Variants in GIGYF2 observed in about 807,000 individuals in gnomAD.
GIGYF2 encodes the protein GRB10-interacting GYF protein 2.
A neutral mutation model predicts 208.1 loss-of-function variants in GIGYF2; 25 were observed. That is an observed-to-expected ratio of 0.12 (90% CI 0.09 to 0.17). The LOEUF is 0.17. Ranked by LOEUF, GIGYF2 falls within the 10% of genes least tolerant of loss-of-function variation. The probability of loss-of-function intolerance (pLI) is 1.00; values close to 1 mark genes in which losing one functional copy is unlikely to be tolerated. For synonymous variants in GIGYF2, 534 were observed against 543.8 expected (o/e 0.98, Z 0.25); for missense variants, 1,302 against 1,579.4 (o/e 0.82, Z 2.98).
intron 2 of GIGYF2, among the ~76,000 whole-genome samples, chr2:232,730,939 GA>G (rs1030348076): frequency 1.3e-5 from 2 of 150,006 alleles, no homozygotes; most frequent in Non-Finnish European, 3.0e-5. Context: ...TTTACATTAG[GA>G]AATAATTTTC....
chr2:232,787,349 A>G lies in GIGYF2; in HGVS notation c.712+20A>G. On this transcript the variant is annotated intron_variant, in intron 9 of 28. Transcript: ENST00000373563. ...GTCCTGGTAAGAATTCTGTTGAGTA[A>G]AGGCACACAGGGACTGAAATAAGGG... is the stretch of plus-strand genomic sequence containing the variant. 6.2e-7 allele frequency: 1 copy of G among 1,603,468 alleles called. No individual in the cohort carries two copies. Among genetic ancestry groups the G allele is most frequent in the Middle Eastern group, 1.7e-4 (1 of 6,042 alleles).
chr2:232,855,938 G>T (rs1690548957), intron 28 of GIGYF2, among the ~76,000 whole-genome samples: 2 of 148,840 alleles, frequency 1.3e-5, no homozygotes, highest in South Asian at 2.2e-4. Context: ...TTTTTGTTTT[G>T]TTTTTTTTTT....
chr2:232,768,730 C>G lies in GIGYF2; in HGVS notation c.532+7294C>G, dbSNP rs773211176. On this transcript the variant is annotated intron_variant, in intron 8 of 28. Coordinates refer to ENST00000373563, the MANE Select transcript of GIGYF2 (RefSeq NM_001103146.3). The stretch of plus-strand genomic sequence containing the variant: ...TGGAAGATAAGATTAGGTTTGCCAT[C>G]CATGTGAGCTACTACTGCTGTGTCA... 3.7e-6 allele frequency: 6 copies of G among 1,601,340 alleles called. No individual in the cohort carries two copies. The highest frequency in any genetic ancestry group is 2.2e-5 in the East Asian group (1 of 44,554).
At chr2:232,836,942 T>G (rs1417679049) in intron 22 of GIGYF2, among the ~76,000 whole-genome samples, 1 of 152,196 alleles carries the variant, frequency 6.6e-6, no homozygotes, top group Non-Finnish European at 1.5e-5. Context: ...GACAAAAATC[T>G]CTCAGTCAGC....
intron 14 of GIGYF2, among the ~76,000 whole-genome samples, chr2:232,805,790 A>G (rs1700543905): frequency 6.6e-6 from 1 of 152,166 alleles, no homozygotes; most frequent in Non-Finnish European, 1.5e-5. Context: ...AGTTGTGCTT[A>G]GAGGAGGAAT....
chr2:232,751,446 G>A (rs1698335231), intron 5 of GIGYF2, among the ~76,000 whole-genome samples: 2 of 151,962 alleles, frequency 1.3e-5, no homozygotes, highest in Admixed American at 1.3e-4. Context: ...AACTTCCTGA[G>A]CTCAAGTGAA....
chr2:232,837,434 GC>G (rs2106415699), intron 22 of GIGYF2, among the ~76,000 whole-genome samples: 1 of 152,228 alleles, frequency 6.6e-6, no homozygotes, highest in South Asian at 2.1e-4. Context: ...TTTGCTGTAT[GC>G]CCTTAGGAGT....
intron 23 of GIGYF2, among the ~76,000 whole-genome samples, chr2:232,840,176 A>G (rs935258309): frequency 3.3e-5 from 5 of 152,244 alleles, no homozygotes; most frequent in Non-Finnish European, 5.9e-5. Flanking sequence ...ATTGAGTAAC[A>G]TAACTGTTCA....
In GIGYF2 at chr2:232,791,180, C is replaced by A; in HGVS notation, c.1093+10C>A. ...GATAGAGTAGGAGTTGGTAAGGCCT[C>A]TTCTTGCCCTTTGCCTTTTTTTTCC... On this transcript the variant is annotated intron_variant, in intron 11 of 28. Transcript: ENST00000373563. 1 of 1,614,002 alleles carries A rather than the reference C, an allele frequency of 6.2e-7. No homozygotes were observed. Among genetic ancestry groups the A allele is most frequent in the Non-Finnish European group, 8.5e-7 (1 of 1,179,922 alleles).
At chr2:232,795,315 C>G (rs1197259033) in intron 13 of GIGYF2, among the ~76,000 whole-genome samples, 1 of 152,132 alleles carries the variant, frequency 6.6e-6, no homozygotes, top group African/African-American at 2.4e-5. Flanking sequence ...ACTTTCAGAG[C>G]ATTAACATCT....
intron 2 of GIGYF2, among the ~76,000 whole-genome samples, chr2:232,707,533 A>C (rs1696176038): frequency 6.6e-6 from 1 of 152,134 alleles, no homozygotes; most frequent in Admixed American, 6.6e-5. Flanking sequence ...CTTCAGTGTA[A>C]CTGGATTAGC....
In GIGYF2 at chr2:232,858,258, A is replaced by T; in HGVS notation, c.*1398A>T. ...TGGAAAAGCACCTTTGCTGCCTGTCATTGTTGCCTGAAGAAGGCTGGAGTT... is the reference window on the plus strand; with the variant it reads ...TGGAAAAGCACCTTTGCTGCCTGTCTTTGTTGCCTGAAGAAGGCTGGAGTT... On this transcript the variant is annotated 3_prime_UTR_variant, in exon 29 of 29. Coordinates refer to ENST00000373563, the MANE Select transcript of GIGYF2 (RefSeq NM_001103146.3). The T allele has an allele frequency of 2.9e-6, 1 of 343,764 alleles. No individual in the cohort carries two copies. Among genetic ancestry groups the T allele is most frequent in the Non-Finnish European group, 5.6e-6 (1 of 178,750 alleles). The allele number at this position is 343,764 out of a possible 1,614,324, so 21.3% of individuals were successfully genotyped here. A position where few individuals can be genotyped will look rare whatever the true frequency, so the allele number is the denominator to read the frequency against.
At chr2:232,746,235 A>C (rs150677942) in intron 3 of GIGYF2, among the ~76,000 whole-genome samples, 1 of 151,942 alleles carries the variant, frequency 6.6e-6, no homozygotes, top group East Asian at 1.9e-4. Context: ...TTTTCTTTAA[A>C]TATTACTTTA....
chr2:232,828,462 C>T (rs1701318250), intron 21 of GIGYF2, among the ~76,000 whole-genome samples: 4 of 138,452 alleles, frequency 2.9e-5, no homozygotes, highest in South Asian at 2.3e-4. Flanking sequence ...TTTGTTTGTT[C>T]GTTTGTTTGA....
intron 8 of GIGYF2, among the ~76,000 whole-genome samples, chr2:232,766,142 A>G (rs967872871): frequency 6.6e-6 from 1 of 152,226 alleles, no homozygotes; most frequent in African/African-American, 2.4e-5. Flanking sequence ...AGTGAAAGAA[A>G]CAATGAACAG....
rs761752319 is a variant in GIGYF2, at chr2:232,847,612, A to T, written c.3684+41A>T. 1.0e-5 allele frequency: 16 copies of T among 1,607,540 alleles called. No individual in the cohort carries two copies. In the African/African-American group the frequency reaches 2.2e-4, roughly 22 times the overall value. ...GTGTATGCGGTACCTCTGAGGATTA[A>T]TACCTTTAGATGTTGAGTAACCCAA... is the stretch of plus-strand genomic sequence containing the variant. On this transcript the variant is annotated intron_variant, in intron 27 of 28. Transcript: ENST00000373563.
intron 18 of GIGYF2, among the ~76,000 whole-genome samples, chr2:232,812,812 A>G (rs1406930428): frequency 2.0e-5 from 3 of 152,172 alleles, no homozygotes; most frequent in Non-Finnish European, 4.4e-5. Flanking sequence ...ACATAAAAAC[A>G]TAGTAATGGT....
At chr2:232,702,843 G>A (rs1299604552) in intron 1 of GIGYF2, among the ~76,000 whole-genome samples, 2 of 152,212 alleles carry the variant, frequency 1.3e-5, no homozygotes, top group African/African-American at 4.8e-5. Flanking sequence ...CACCCAGGCT[G>A]GAGTGCAGTG....
At chr2:232,755,920 C>T (rs892055483) in intron 5 of GIGYF2, among the ~76,000 whole-genome samples, 2 of 152,158 alleles carry the variant, frequency 1.3e-5, no homozygotes, top group African/African-American at 4.8e-5. Flanking sequence ...TCCCTATCTA[C>T]TTGTGTATAT....
Sources: gnomAD v4.1 joint callset for allele counts (sites outside exome capture counted in the v4.1 genomes callset) on GRCh38, gnomAD v4.1.1 for gene constraint, MANE v1.5 for transcripts, NCBI Gene and HGNC (gene_info 2026-07-23, HGNC 2026-07-21) for gene names.